The following OVCH1 variants were observed in gnomAD, a reference collection of about 807,000 sequenced individuals.
OVCH1 encodes ovochymase-1.
A neutral mutation model predicts 138.4 loss-of-function variants in OVCH1; 139 were observed. That is an observed-to-expected ratio of 1.00 (90% CI 0.87 to 1.16). The LOEUF is 1.16. Among genes scored for constraint, OVCH1 ranks in the 50% most tolerant of loss-of-function variants. OVCH1 has a pLI of 0.00. For synonymous variants in OVCH1, 453 were observed against 467.8 expected (o/e 0.97, Z 0.41); for missense variants, 1,367 against 1,357.9 (o/e 1.01, Z -0.11).
chr12:29,404,063 A>C, the OVCH1 span, among the ~76,000 whole-genome samples: 1 of 152,234 alleles, frequency 6.6e-6, no homozygotes, highest in Non-Finnish European at 1.5e-5. Context: ...TGATGGGCGG[A>C]AGTGACACTG....
chr12:29,480,557 G>C (rs920993279), intron 8 of OVCH1, among the ~76,000 whole-genome samples: 6 of 152,146 alleles, frequency 3.9e-5, no homozygotes, highest in African/African-American at 1.4e-4. Flanking sequence ...AGTGAGAGAG[G>C]GGTCCCCAAA....
chr12:29,497,534 G>A (rs1289246040), intron 1 of OVCH1, 89 bp downstream of exon 1: 9 of 1,492,416 alleles, frequency 6.0e-6, no homozygotes, highest in East Asian at 4.7e-5. Context: ...ATACCACCCC[G>A]ACTTCCTGAG....
chr12:29,467,531 T>C (rs148976560), intron 16 of OVCH1, among the ~76,000 whole-genome samples: 218 of 152,288 alleles, frequency 1.4e-3, no homozygotes, highest in African/African-American at 5.0e-3. Context: ...TAGGATCTTA[T>C]ACCCAACCCA....
intron 22 of OVCH1, among the ~76,000 whole-genome samples, chr12:29,448,974 A>G (rs1422792105): frequency 1.3e-5 from 2 of 152,128 alleles, no homozygotes; most frequent in Non-Finnish European, 2.9e-5. Context: ...ACTGCAAGCC[A>G]AAAAGCTTTC....
At chr12:29,495,229 C>T in intron 4 of OVCH1, 56 bp downstream of exon 4, 3 of 1,467,800 alleles carry the variant, frequency 2.0e-6, no homozygotes, top group Non-Finnish European at 2.8e-6. Flanking sequence ...TTAACTTGTA[C>T]ATAATTAGCA....
At chr12:29,478,153 T>A (rs529690759) in intron 9 of OVCH1, among the ~76,000 whole-genome samples, 51 of 152,248 alleles carry the variant, frequency 3.3e-4, no homozygotes, top group African/African-American at 1.1e-3. Context: ...TTCAACAAAA[T>A]TAGATATATT....
intron 26 of OVCH1, among the ~76,000 whole-genome samples, chr12:29,435,130 G>A (rs2135907027): frequency 6.6e-6 from 1 of 152,260 alleles, no homozygotes; most frequent in African/African-American, 2.4e-5. Context: ...ATTTATAACA[G>A]GCAAGTTGCA....
chr12:29,469,246 A>T (rs1942421450), intron 16 of OVCH1, among the ~76,000 whole-genome samples: 1 of 152,146 alleles, frequency 6.6e-6, no homozygotes, highest in South Asian at 2.1e-4. Context: ...TGACTGTATG[A>T]ACCCTTGATA....
rs188048090 is a variant in OVCH1 at position 29,450,165 on chromosome 12, A to T, written c.2755+1180T>A. Among the ~76,000 whole-genome samples the T allele has an allele frequency of 9.2e-4, 140 of 152,340 alleles. 3 individuals carry two copies. Among genetic ancestry groups the T allele is most frequent in the Admixed American group, 5.1e-3 (78 of 15,294 alleles). On this transcript the variant is annotated intron_variant, in intron 22 of 27. Transcript: ENST00000318184. ...TGGCAACAAAAGTCAAAATTGACAA[A>T]TAGGATCTAATTAAACTAAAGAGCT...
Position 29,495,267 on chromosome 12 carries a change from C to A in OVCH1, c.454+18G>T. The A allele has an allele frequency of 6.3e-7, 1 of 1,593,610 alleles. No homozygotes were observed. The highest frequency in any genetic ancestry group is 8.5e-7 in the Non-Finnish European group (1 of 1,169,784). On this transcript the variant is annotated intron_variant, in intron 4 of 27. Transcript: ENST00000318184. ...TTTCCTCCACTGCATTTTTAATATT[C>A]TAACTCTCCATACTCACCAAACTTG...
chr12:29,478,944 T>A, intron 8 of OVCH1: 1 of 1,458,844 alleles, frequency 6.9e-7, no homozygotes. Context: ...TATCTTCTGG[T>A]ACCATTATTT....
intron 16 of OVCH1, among the ~76,000 whole-genome samples, 164 bp from the exon 17 acceptor site, chr12:29,465,383 C>T (rs1942280503): frequency 6.6e-6 from 1 of 152,136 alleles, no homozygotes; most frequent in Non-Finnish European, 1.5e-5. Flanking sequence ...TTCTGCATGG[C>T]TGGGGAGGCC....
chr12:29,436,980 A>G (rs2135910718), intron 26 of OVCH1, among the ~76,000 whole-genome samples: 1 of 152,306 alleles, frequency 6.6e-6, no homozygotes, highest in South Asian at 2.1e-4. Flanking sequence ...GGCCCCGCCC[A>G]CATCCTGCTG....
intron 7 of OVCH1, chr12:29,486,942 C>G: frequency 2.2e-6 from 1 of 455,696 alleles, no homozygotes; most frequent in Non-Finnish European, 4.4e-6. Context: ...TGCAGTGGAG[C>G]AGTGAAGAGG....
intron 22 of OVCH1, among the ~76,000 whole-genome samples, chr12:29,449,012 A>C (rs773305006): frequency 4.6e-5 from 7 of 152,192 alleles, no homozygotes; most frequent in Non-Finnish European, 7.3e-5. Flanking sequence ...AGGAGGAAGC[A>C]AGTTTGTTCT....
chr12:29,441,001 G>T (rs772613840), intron 25 of OVCH1, among the ~76,000 whole-genome samples: 1 of 152,134 alleles, frequency 6.6e-6, no homozygotes, highest in East Asian at 1.9e-4. Flanking sequence ...GGAATTCATA[G>T]ACCATAGTGT....
chr12:29,402,356 C>T, the OVCH1 span, among the ~76,000 whole-genome samples: 1 of 152,100 alleles, frequency 6.6e-6, no homozygotes, highest in African/African-American at 2.4e-5. Context: ...GAAAGCAGAA[C>T]CTTTAGACCA....
intron 3 of OVCH1, among the ~76,000 whole-genome samples, chr12:29,417,484 A>AG (rs1305571400): frequency 1.4e-5 from 2 of 146,276 alleles, no homozygotes; most frequent in African/African-American, 5.0e-5. Flanking sequence ...AAAAAAAAAA[A>AG]GGCAACACTA....
downstream of OVCH1, among the ~76,000 whole-genome samples, chr12:29,407,498 G>T (rs905305184): frequency 2.7e-5 from 4 of 150,144 alleles, no homozygotes; most frequent in African/African-American, 9.7e-5. Context: ...GTGTAAGGAA[G>T]GGATCCAGTT....
Sources: allele counts gnomAD v4.1 joint callset (sites outside exome capture counted in the v4.1 genomes callset), GRCh38; gene constraint gnomAD v4.1.1; transcripts MANE v1.5; gene names NCBI Gene and HGNC (gene_info 2026-07-23, HGNC 2026-07-21).